The following ATF6 variants were observed in gnomAD, a reference collection of about 807,000 sequenced individuals.
ATF6 encodes cyclic AMP-dependent transcription factor ATF-6 alpha.
Under a neutral mutation model 83.6 loss-of-function variants are expected in ATF6, and 53 were observed. The ratio of observed to expected loss-of-function variants is 0.63; its 90% confidence interval spans 0.51 to 0.80. The LOEUF (loss-of-function observed/expected upper bound fraction) is 0.80. ATF6 is among the 30% of genes least tolerant of loss of function. ATF6 has a pLI of 0.00. For missense variants in ATF6, 744 were observed against 797.9 expected (o/e 0.93, Z 0.81); for synonymous variants, 288 against 285.8 (o/e 1.01, Z -0.08).
chr1:161,817,287 T>G (rs2101779536), intron 7 of ATF6, among the ~76,000 whole-genome samples: 1 of 152,322 alleles, frequency 6.6e-6, no homozygotes, highest in East Asian at 1.9e-4. Flanking sequence ...TTTGTCTAAC[T>G]TTTAGTATAA....
chr1:161,769,935 T>G (rs563580020), intron 1 of ATF6, among the ~76,000 whole-genome samples: 1 of 152,274 alleles, frequency 6.6e-6, no homozygotes, highest in African/African-American at 2.4e-5. Flanking sequence ...CCTCCTGCTG[T>G]GTGGCCTGGT....
At chr1:161,767,416 G>T (rs533346757) in intron 1 of ATF6, among the ~76,000 whole-genome samples, 1 of 152,244 alleles carries the variant, frequency 6.6e-6, no homozygotes, top group South Asian at 2.1e-4. Flanking sequence ...TTTAATCCTT[G>T]GGTAGATTTT....
intron 13 of ATF6, 132 bp from the exon 14 acceptor site, chr1:161,863,066 A>G: frequency 3.8e-6 from 2 of 525,816 alleles, no homozygotes; most frequent in South Asian, 3.3e-5. Flanking sequence ...TATAAAAATT[A>G]CTGCCAAAGT....
chr1:161,820,704 T>C (rs562593280), intron 8 of ATF6, among the ~76,000 whole-genome samples: 1 of 152,198 alleles, frequency 6.6e-6, no homozygotes, highest in Non-Finnish European at 1.5e-5. Context: ...TCCGAGATGA[T>C]GCCACTGCAC....
At chr1:161,859,535 TTC>T (rs994097619) in intron 12 of ATF6, among the ~76,000 whole-genome samples, 42 of 152,234 alleles carry the variant, frequency 2.8e-4, no homozygotes, top group African/African-American at 1.0e-3. Context: ...TAAGATTACT[TTC>T]TAATGAAATA....
At position 161,819,655 on chromosome 1, in the gene ATF6, A is replaced by T. The variant is rs978732626; in HGVS notation, c.932A>T (p.Gln311Leu). ...TAGATTGCTGTGCTAAGGAGACAGC[A>T]ACGTATGATAAAAAATCGAGAATCC... Reference protein sequence around the residue: ...GSDIAVLRRQQRMIKNRESAC... With the variant: ...GSDIAVLRRQLRMIKNRESAC... Residue 311 changes from glutamine (Q) to leucine (L), a missense_variant, in exon 8 of 16, where the codon CAA becomes CTA. Physicochemically the swap from Gln to Leu is moderately radical, Grantham distance 113. Transcript: ENST00000367942. The T allele has an allele frequency of 6.2e-7, 1 of 1,609,072 alleles. No individual in the cohort carries two copies.
At chr1:161,880,919 A>G (rs983568150) in intron 14 of ATF6, among the ~76,000 whole-genome samples, 2 of 152,080 alleles carry the variant, frequency 1.3e-5, no homozygotes, top group Admixed American at 6.6e-5. Flanking sequence ...GATACAGCCT[A>G]TCTTTTTATT....
At chr1:161,797,213 G>A (rs2101748742) in intron 6 of ATF6, among the ~76,000 whole-genome samples, 1 of 152,254 alleles carries the variant, frequency 6.6e-6, no homozygotes, top group Non-Finnish European at 1.5e-5. Flanking sequence ...AGCCAACATT[G>A]TAATGAGTGG....
At chr1:161,879,761 C>CTT (rs899424117) in intron 14 of ATF6, among the ~76,000 whole-genome samples, 14 of 149,648 alleles carry the variant, frequency 9.4e-5, no homozygotes, top group Admixed American at 2.7e-4. Flanking sequence ...TTTGAAATTT[C>CTT]TTTTTTTTTT....
At chr1:161,791,086 C>CTGTGTG (rs758372809) in intron 4 of ATF6, among the ~76,000 whole-genome samples, 12,540 of 86,138 alleles carry the variant, frequency 0.15, 1,041 homozygotes, top group East Asian at 0.42. Context: ...GTGTGTGTCT[C>CTGTGTG]TGTGTGTGTG....
intron 14 of ATF6, among the ~76,000 whole-genome samples, chr1:161,879,753 T>G (rs1012166960): frequency 1.5e-4 from 23 of 152,122 alleles, no homozygotes; most frequent in Non-Finnish European, 5.9e-5. Flanking sequence ...CAGGCATCTT[T>G]GAAATTTCTT....
intron 4 of ATF6, among the ~76,000 whole-genome samples, chr1:161,789,120 C>T (rs1412629229): frequency 6.6e-6 from 1 of 151,944 alleles, no homozygotes; most frequent in African/African-American, 2.4e-5. Flanking sequence ...GTATCCATCC[C>T]CTCAAGCATT....
At chr1:161,834,497 CTA>C (rs1217916545) in intron 9 of ATF6, among the ~76,000 whole-genome samples, 1 of 151,670 alleles carries the variant, frequency 6.6e-6, no homozygotes, top group African/African-American at 2.4e-5. Flanking sequence ...AAACTGGAAA[CTA>C]TCATTCTCAG....
chr1:161,902,346 T>G (rs983014646), intron 14 of ATF6, among the ~76,000 whole-genome samples: 6 of 152,222 alleles, frequency 3.9e-5, no homozygotes, highest in Non-Finnish European at 7.4e-5. Context: ...TAATAATTTT[T>G]ACTGCTTCAA....
At chr1:161,815,294 T>C (rs553713990) in intron 7 of ATF6, among the ~76,000 whole-genome samples, 6 of 149,380 alleles carry the variant, frequency 4.0e-5, no homozygotes, top group Non-Finnish European at 4.4e-5. Flanking sequence ...TGAGCTCAAG[T>C]GATCCTCCTG....
rs186155589 is a variant in ATF6, at chr1:161,953,135, G to A, written c.1805-5311G>A. Among the ~76,000 whole-genome samples the A allele has an allele frequency of 7.9e-5, 12 of 152,158 alleles. No individual in the cohort carries two copies. The East Asian group carries it at 9.6e-4, about 12-fold the overall frequency. On this transcript the variant is annotated intron_variant, in intron 15 of 15. Coordinates refer to ENST00000367942, the MANE Select transcript of ATF6 (RefSeq NM_007348.4). The stretch of plus-strand genomic sequence containing the variant: ...AAGTAAATTATTATTCAGTAGCTTC[G>A]TTCCTGGAAATTTAGGGTATATTAA...
At chr1:161,783,537 C>T (rs1231704427) in intron 3 of ATF6, among the ~76,000 whole-genome samples, 1 of 151,740 alleles carries the variant, frequency 6.6e-6, no homozygotes, top group East Asian at 1.9e-4. Context: ...AAAATATTTC[C>T]TGTTTCTTAT....
chr1:161,951,752 G>A (rs369593396), intron 15 of ATF6, among the ~76,000 whole-genome samples: 34 of 152,294 alleles, frequency 2.2e-4, no homozygotes, highest in African/African-American at 7.9e-4. Context: ...TATTTTAAAT[G>A]TAATTTCTGG....
At chr1:161,942,643 C>T (rs913179739) in intron 15 of ATF6, among the ~76,000 whole-genome samples, 3 of 152,152 alleles carry the variant, frequency 2.0e-5, no homozygotes, top group Non-Finnish European at 4.4e-5. Flanking sequence ...CATATTTAAT[C>T]CTTAAGAACT....
Sources: gnomAD v4.1 joint callset for allele counts (sites outside exome capture counted in the v4.1 genomes callset) on GRCh38, gnomAD v4.1.1 for gene constraint, MANE v1.5 for transcripts, NCBI Gene and HGNC (gene_info 2026-07-23, HGNC 2026-07-21) for gene names.